The following DNAH7 variants were observed in gnomAD, a reference collection of about 807,000 sequenced individuals.
The protein encoded by DNAH7 is dynein axonemal heavy chain 7.
A neutral mutation model predicts 444.6 loss-of-function variants in DNAH7; 397 were observed. The observed-to-expected ratio is 0.89, with a 90% confidence interval of 0.82 to 0.97. The LOEUF (loss-of-function observed/expected upper bound fraction) is 0.97. Ranked by LOEUF, DNAH7 falls within the 50% of genes least tolerant of loss-of-function variation. DNAH7 has a pLI of 0.00. For synonymous variants in DNAH7, 1,636 were observed against 1,624.4 expected (o/e 1.01, Z -0.17); for missense variants, 4,902 against 4,800.8 (o/e 1.02, Z -0.62).
chr2:195,753,324 ATAG>A (rs1693897113), intron 63 of DNAH7, among the ~76,000 whole-genome samples: 1 of 152,178 alleles, frequency 6.6e-6, no homozygotes, highest in South Asian at 2.1e-4. Flanking sequence ...ATCCCCGGGA[ATAG>A]TAGTGGGATT....
At chr2:195,818,215 A>G (rs1365781364) in intron 49 of DNAH7, among the ~76,000 whole-genome samples, 2 of 152,256 alleles carry the variant, frequency 1.3e-5, no homozygotes, top group African/African-American at 4.8e-5. Flanking sequence ...GAATCATAAT[A>G]GTTGGACCAG....
intron 5 of DNAH7, among the ~76,000 whole-genome samples, chr2:196,042,753 T>C (rs1032821746): frequency 3.9e-5 from 6 of 152,054 alleles, no homozygotes; most frequent in Admixed American, 2.6e-4. Flanking sequence ...TTTGTAGGAA[T>C]AGAAAATGTA....
intron 63 of DNAH7, among the ~76,000 whole-genome samples, chr2:195,751,668 C>A (rs1357144886): frequency 6.6e-6 from 1 of 152,148 alleles, no homozygotes; most frequent in African/African-American, 2.4e-5. Flanking sequence ...GAGAAAAGAA[C>A]ATGAGCCGTT....
chr2:195,871,597 A>G (rs1018191046), intron 40 of DNAH7, among the ~76,000 whole-genome samples: 1 of 143,036 alleles, frequency 7.0e-6, no homozygotes. Flanking sequence ...TAAGTAATGT[A>G]AAAAAAAAAA....
chr2:195,871,879 C>T (rs1261475054), intron 40 of DNAH7, among the ~76,000 whole-genome samples: 4 of 68,746 alleles, frequency 5.8e-5, no homozygotes, highest in Non-Finnish European at 9.0e-5. Flanking sequence ...TGCAGTGAGC[C>T]GAGATCCCGC....
At position 195,855,858 on chromosome 2, in the gene DNAH7, C is replaced by T; in HGVS notation, c.8548G>A (p.Asp2850Asn). ...EVQDKLARLQ[D>N]TLELNKQKKA... The stretch of plus-strand genomic sequence containing the variant: ...TTTTGTTTATTTAATTCAAGTGTGT[C>T]TTGAAGCCTGGCCAGCTTGTCCTGA... The change falls in exon 45 of 65, where the codon GAC (aspartate) becomes AAC (asparagine). Residue 2850 changes from aspartate to asparagine, a missense_variant. Transcript: ENST00000312428. The T allele has an allele frequency of 6.2e-7, 1 of 1,614,018 alleles. No individual in the cohort carries two copies. The highest frequency in any genetic ancestry group is 2.2e-5 in the East Asian group (1 of 44,878).
intron 21 of DNAH7, 59 bp from the exon 22 acceptor site, chr2:195,926,625 G>A: frequency 2.8e-6 from 4 of 1,449,160 alleles, no homozygotes; most frequent in Non-Finnish European, 3.7e-6. Context: ...ATACAATTGA[G>A]AGCTAAACTA....
chr2:195,907,022 A>G lies in DNAH7; in HGVS notation c.4105-13T>C. 1 of 1,598,826 alleles carries G rather than the reference A, an allele frequency of 6.3e-7. No homozygotes were observed. On this transcript the variant is annotated splice_polypyrimidine_tract_variant and intron_variant, in intron 25 of 64. Transcript: ENST00000312428. Reference sequence around the variant, plus strand: ...AAGATAACAGTCCCTATGAGAAAAGAGTAATGAAAATTTTTGACTTTATCT... The same window carrying G: ...AAGATAACAGTCCCTATGAGAAAAGGGTAATGAAAATTTTTGACTTTATCT...
intron 18 of DNAH7, 109 bp from the exon 19 acceptor site, chr2:195,957,556 A>G (rs1690762059): frequency 4.7e-6 from 3 of 632,674 alleles, no homozygotes; most frequent in South Asian, 7.3e-5. Flanking sequence ...AATGTTATAC[A>G]ATTGTTATAC....
At chr2:196,058,549 A>G (rs978371376) in intron 1 of DNAH7, among the ~76,000 whole-genome samples, 2 of 152,246 alleles carry the variant, frequency 1.3e-5, no homozygotes, top group Non-Finnish European at 2.9e-5. Flanking sequence ...ATTTAATATA[A>G]TTGTATTTAA....
chr2:196,039,795 A>G (rs1696627417), intron 5 of DNAH7, among the ~76,000 whole-genome samples: 1 of 151,788 alleles, frequency 6.6e-6, no homozygotes, highest in South Asian at 2.1e-4. Context: ...CCTCAAAAAA[A>G]AAAAAAAAGA....
intron 46 of DNAH7, among the ~76,000 whole-genome samples, chr2:195,852,178 A>G (rs1207459000): frequency 1.3e-5 from 2 of 152,142 alleles, no homozygotes; most frequent in Admixed American, 1.3e-4. Flanking sequence ...GAATCGCGTG[A>G]ACCCAGGAGG....
intron 24 of DNAH7, among the ~76,000 whole-genome samples, chr2:195,917,370 T>G (rs938383409): frequency 6.6e-6 from 1 of 152,012 alleles, no homozygotes; most frequent in Non-Finnish European, 1.5e-5. Context: ...GTAAACACAC[T>G]GCACATGCTC....
chr2:196,008,669 G>A (rs1320269422), intron 10 of DNAH7, among the ~76,000 whole-genome samples: 1 of 152,146 alleles, frequency 6.6e-6, no homozygotes, highest in Non-Finnish European at 1.5e-5. Flanking sequence ...CTTCCTGTAA[G>A]AAGCCAGGCA....
chr2:196,005,305 A>T (rs1279613556), intron 10 of DNAH7, among the ~76,000 whole-genome samples: 59 of 147,378 alleles, frequency 4.0e-4, no homozygotes, highest in African/African-American at 1.2e-3. Flanking sequence ...CAAACAAACA[A>T]AAATATATAT....
At chr2:195,780,533 G>A (rs1267069587) in intron 58 of DNAH7, among the ~76,000 whole-genome samples, 1 of 152,034 alleles carries the variant, frequency 6.6e-6, no homozygotes, top group African/African-American at 2.4e-5. Flanking sequence ...TAGATCACTG[G>A]AGGTCAGGAG....
intron 19 of DNAH7, among the ~76,000 whole-genome samples, chr2:195,943,320 T>C (rs979314929): frequency 2.6e-5 from 4 of 152,184 alleles, no homozygotes; most frequent in African/African-American, 9.6e-5. Context: ...TAGTAGGACC[T>C]TTACTATTAC....
intron 33 of DNAH7, 88 bp downstream of exon 33, chr2:195,888,167 CTGA>C (rs1165295756): frequency 9.5e-7 from 1 of 1,056,612 alleles, no homozygotes; most frequent in South Asian, 1.7e-5. Flanking sequence ...TATCTCTTAG[CTGA>C]TAATAAAAAC....
chr2:196,014,302 A>C (rs1460069452), intron 9 of DNAH7, among the ~76,000 whole-genome samples: 1 of 152,190 alleles, frequency 6.6e-6, no homozygotes, highest in African/African-American at 2.4e-5. Flanking sequence ...TAGCAGAAGG[A>C]AATGCAAGTC....
Sources: allele counts gnomAD v4.1 joint callset (sites outside exome capture counted in the v4.1 genomes callset), GRCh38; gene constraint gnomAD v4.1.1; transcripts MANE v1.5; gene names NCBI Gene and HGNC (gene_info 2026-07-23, HGNC 2026-07-21).